The following DNAH3 variants were observed in gnomAD, a reference collection of about 807,000 sequenced individuals.
DNAH3 encodes the protein dynein axonemal heavy chain 3, also known as axonemal beta dynein heavy chain 3.
In DNAH3, 332 loss-of-function variants were observed where a neutral mutation model predicts 432.5. The ratio of observed to expected loss-of-function variants is 0.77; its 90% confidence interval spans 0.70 to 0.84. DNAH3 has a LOEUF of 0.84. Among genes scored for constraint, DNAH3 ranks in the 40% least tolerant of loss-of-function variants. The pLI, the probability that DNAH3 is intolerant of heterozygous loss-of-function variation, is 0.00. For synonymous variants in DNAH3, 1,956 were observed against 1,900.2 expected (o/e 1.03, Z -0.76); for missense variants, 4,861 against 5,114.0 (o/e 0.95, Z 1.51).
In DNAH3 at chr16:20,947,378, A is replaced by G. The variant is rs1343555470; in HGVS notation, c.11343+1105T>C. ...ATTCCTTTAATAAACCAATAAACCTAAGTATTTCTCTGAGTTCTGTGAGCT... is the reference window on the plus strand; with the variant it reads ...ATTCCTTTAATAAACCAATAAACCTGAGTATTTCTCTGAGTTCTGTGAGCT... On this transcript the variant is annotated intron_variant, in intron 57 of 61. Coordinates refer to ENST00000261383, the Ensembl canonical transcript of DNAH3. 3.9e-5 allele frequency among the ~76,000 whole-genome samples: 6 copies of G among 152,092 alleles called. No homozygotes were observed. The East Asian group carries it at 1.2e-3, about 29-fold the overall frequency.
chr16:21,021,371 C>A (rs966698708), intron 40 of DNAH3, among the ~76,000 whole-genome samples: 2 of 152,068 alleles, frequency 1.3e-5, no homozygotes, highest in Non-Finnish European at 2.9e-5. Flanking sequence ...TCTAGGATAT[C>A]CCTGTGAGGT....
At chr16:21,015,264 C>T (rs1028507634) in intron 41 of DNAH3, among the ~76,000 whole-genome samples, 1 of 152,146 alleles carries the variant, frequency 6.6e-6, no homozygotes, top group South Asian at 2.1e-4. Flanking sequence ...ATGTAGGAAC[C>T]TCAACAGCAT....
At position 21,127,710 on chromosome 16, in the gene DNAH3, C is replaced by T. The variant is rs765530288; in HGVS notation, c.1185G>A (p.Glu395=). The change falls in exon 8 of 62, where the codon GAG becomes GAA. Residue 395 remains glutamate (E), a synonymous_variant. Transcript: ENST00000261383. ...ACTTGTTGAGAAGAGTCTGGTGTGCCTCCAGGCAGTGTTTCTGGATCACAT... is the reference window on the plus strand; with the variant it reads ...ACTTGTTGAGAAGAGTCTGGTGTGCTTCCAGGCAGTGTTTCTGGATCACAT... 3.1e-6 allele frequency: 5 copies of T among 1,614,140 alleles called. No individual in the cohort carries two copies. In the Admixed American group the frequency reaches 5.0e-5, roughly 16 times the overall value.
intron 16 of DNAH3, among the ~76,000 whole-genome samples, chr16:21,102,877 C>CT (rs550772745): frequency 0.025 from 3,324 of 135,256 alleles, 113 homozygotes; most frequent in African/African-American, 0.075. Context: ...GACTATTATT[C>CT]TTTTTTTTTT....
intron 59 of DNAH3, among the ~76,000 whole-genome samples, chr16:20,938,887 CCTCCTCAGT>C (rs2083697435): frequency 6.6e-6 from 1 of 152,060 alleles, no homozygotes; most frequent in Non-Finnish European, 1.5e-5. Flanking sequence ...AGCAATCCTC[CCTCCTCAGT>C]CTCCTGAGTA....
chr16:21,027,083 C>T (rs1347755071), exon 38 of DNAH3: 2 of 1,613,852 alleles, frequency 1.2e-6, no homozygotes, highest in Non-Finnish European at 1.7e-6. Context: ...AGATCAGGCT[C>T]ATCTTGGAGT....
rs370645960 is a variant in DNAH3 at position 21,093,088 on chromosome 16, C to A, written c.2665+4267G>T. On this transcript the variant is annotated intron_variant, in intron 18 of 61. Coordinates refer to ENST00000261383, the Ensembl canonical transcript of DNAH3. Reference sequence around the variant, plus strand: ...CAACAATAGCCAACAACAGATACCACTACACACCTATTAAAATGGTCAAAA... The same window carrying A: ...CAACAATAGCCAACAACAGATACCAATACACACCTATTAAAATGGTCAAAA... Among the ~76,000 whole-genome samples, 5 of 152,224 alleles carry A rather than the reference C, an allele frequency of 3.3e-5. No homozygotes were observed. In the East Asian group the frequency reaches 5.8e-4, roughly 18 times the overall value.
intron 51 of DNAH3, among the ~76,000 whole-genome samples, chr16:20,970,733 G>GA (rs2085300873): frequency 6.6e-6 from 1 of 152,108 alleles, no homozygotes; most frequent in South Asian, 2.1e-4. Context: ...CATTAGGGGG[G>GA]AAAGAAATAA....
chr16:21,039,727 T>C, intron 33 of DNAH3, 125 bp downstream of exon 33: 2 of 799,636 alleles, frequency 2.5e-6, no homozygotes, highest in South Asian at 2.8e-5. Flanking sequence ...GACCACCCAG[T>C]AAGCAGAAGC....
At chr16:21,114,188 GA>G (rs1222305892) in intron 12 of DNAH3, among the ~76,000 whole-genome samples, 8 of 152,120 alleles carry the variant, frequency 5.3e-5, no homozygotes, top group African/African-American at 1.9e-4. Flanking sequence ...TGTAACTGCA[GA>G]AAGCAAAACC....
rs756439153 is a variant in DNAH3 at position 20,997,453 on chromosome 16, T to C, written c.6431A>G (p.Asn2144Ser). 1.2e-5 allele frequency: 20 copies of C among 1,614,012 alleles called. 1 individual carries two copies. The South Asian group carries it at 2.2e-4, about 18-fold the overall frequency. The change falls in exon 44 of 62, where the codon AAC (asparagine) becomes AGC (serine). Residue 2144 changes from asparagine to serine, a missense_variant. Asn to Ser is a conservative substitution (Grantham distance 46, BLOSUM62 1). Transcript: ENST00000261383. ...CCCATACACCTCTTTGGCTGGCATG[T>C]TGAGGTCATCTGGGGAAAGAAACCA... is the stretch of plus-strand genomic sequence containing the variant.
intron 39 of DNAH3, 54 bp from the exon 40 acceptor site, chr16:21,022,154 C>T (rs907059994): frequency 3.3e-5 from 52 of 1,594,478 alleles, no homozygotes; most frequent in African/African-American, 2.8e-4. Flanking sequence ...AGTGAGTTGA[C>T]GACCAAGAGC....
chr16:20,985,787 G>T, intron 47 of DNAH3, 72 bp from the exon 48 acceptor site: 1 of 1,443,330 alleles, frequency 6.9e-7, no homozygotes, highest in Non-Finnish European at 9.5e-7. Flanking sequence ...CATCATGGAG[G>T]GAGGGCATGG....
intron 16 of DNAH3, among the ~76,000 whole-genome samples, chr16:21,102,877 CTTTT>C (rs550772745): frequency 1.5e-5 from 2 of 135,242 alleles, no homozygotes; most frequent in Non-Finnish European, 1.6e-5. Flanking sequence ...GACTATTATT[CTTTT>C]TTTTTTTTTT....
chr16:21,003,044 G>A (rs1327642203), intron 42 of DNAH3, 60 bp downstream of exon 42: 1 of 1,118,416 alleles, frequency 8.9e-7, no homozygotes, highest in African/African-American at 1.6e-5. Context: ...TCTTCCACCT[G>A]AGAGAATATT....
At chr16:21,156,787 A>T (rs2092900341) in intron 1 of DNAH3, among the ~76,000 whole-genome samples, 1 of 152,156 alleles carries the variant, frequency 6.6e-6, no homozygotes. Flanking sequence ...GGAGGAACAC[A>T]TGATGTGATG....
intron 51 of DNAH3, among the ~76,000 whole-genome samples, chr16:20,972,739 A>ATTTTTTTTTTTTTTTT (rs34245316): frequency 3.1e-5 from 3 of 95,976 alleles, no homozygotes; most frequent in African/African-American, 9.3e-5. Flanking sequence ...ATGCCCCGTG[A>ATTTTTTTTTTTTTTTT]TTTTTTTTTT....
chr16:21,091,051 G>A (rs2091519354), intron 18 of DNAH3, among the ~76,000 whole-genome samples: 2 of 152,080 alleles, frequency 1.3e-5, no homozygotes, highest in South Asian at 2.1e-4. Context: ...TACTCAGGAG[G>A]TTGAGGTGGG....
At position 20,982,984 on chromosome 16, in the gene DNAH3, G is replaced by A. The variant is rs972165567; in HGVS notation, c.7666-70C>T. ...CAAGGATTCTGGTGGGGTAAGTGGG[G>A]GCAGGCTTCCTCCTGGCGCTCCAGG... On this transcript the variant is annotated intron_variant, in intron 48 of 61. Transcript: ENST00000261383. The A allele has an allele frequency of 1.8e-5, 25 of 1,377,636 alleles. No homozygotes were observed. In the South Asian group the frequency reaches 2.0e-4, roughly 11 times the overall value. 85.3% of individuals were successfully genotyped at this position (1,377,636 alleles called of 1,614,324 possible).
Sources: gnomAD v4.1 joint callset for allele counts (sites outside exome capture counted in the v4.1 genomes callset) on GRCh38, gnomAD v4.1.1 for gene constraint, MANE v1.5 for transcripts, NCBI Gene and HGNC (gene_info 2026-07-23, HGNC 2026-07-21) for gene names.